The following SGK1 variants were observed in gnomAD, a reference collection of about 807,000 sequenced individuals.
SGK1 encodes serum/glucocorticoid regulated kinase 1.
In SGK1, 26 loss-of-function variants were observed where a neutral mutation model predicts 64.2. That is an observed-to-expected ratio of 0.40 (90% CI 0.30 to 0.56). SGK1 has a LOEUF of 0.56. SGK1 is among the 20% of genes least tolerant of loss of function. SGK1 has a pLI of 0.38. For missense variants in SGK1, 519 were observed against 645.6 expected (o/e 0.80, Z 2.12); for synonymous variants, 265 against 239.7 (o/e 1.11, Z -0.98).
At chr6:134,283,438 C>T (rs555018340) in intron 1 of SGK1, among the ~76,000 whole-genome samples, 5 of 151,728 alleles carry the variant, frequency 3.3e-5, no homozygotes, top group Admixed American at 6.6e-5. Flanking sequence ...TTGCAGTGAG[C>T]GAAGATCACG....
intron 1 of SGK1, chr6:134,283,207 C>G (rs1258188552): frequency 6.6e-6 from 1 of 151,784 alleles, no homozygotes; most frequent in Non-Finnish European, 1.5e-5. Flanking sequence ...TACATATATA[C>G]AGGCTGGGTG....
chr6:134,170,945 G>A, intron 12 of SGK1, 30 bp from the exon 13 acceptor site: 2 of 1,606,700 alleles, frequency 1.2e-6, no homozygotes, highest in Non-Finnish European at 1.7e-6. Flanking sequence ...GATTAATTTA[G>A]ACAGGTGCAT....
chr6:134,281,218 T>C (rs1184127063), intron 1 of SGK1, among the ~76,000 whole-genome samples: 1 of 152,182 alleles, frequency 6.6e-6, no homozygotes, highest in East Asian at 1.9e-4. Flanking sequence ...TAGTTTTTGG[T>C]CATTTTAGTG....
Position 134,224,903 on chromosome 6 carries a change from C to T in SGK1, c.286-17472G>A, listed in dbSNP as rs116721710. 8.5e-3 allele frequency among the ~76,000 whole-genome samples: 1,278 copies of T among 150,222 alleles called. 19 individuals carry two copies. Among genetic ancestry groups the T allele is most frequent in the African/African-American group, 0.028 (1,142 of 40,746 alleles). ...AGGCGTGGTAGCACATGCCTGTAAT[C>T]GCAGCCACTTGGGGACTGAGGCAGG... On this transcript the variant is annotated intron_variant, in intron 2 of 13. Coordinates refer to ENST00000367858, the MANE Select transcript of SGK1 (RefSeq NM_001143676.3).
intron 3 of SGK1, among the ~76,000 whole-genome samples, chr6:134,204,172 A>G (rs2114679740): frequency 6.6e-6 from 1 of 151,980 alleles, no homozygotes; most frequent in African/African-American, 2.4e-5. Flanking sequence ...CTACCACTAG[A>G]GGTGGAGATT....
chr6:134,296,776 C>CA (rs869144600), intron 1 of SGK1, among the ~76,000 whole-genome samples: 12,359 of 66,486 alleles, frequency 0.19, 988 homozygotes, highest in East Asian at 0.49. Context: ...TATTTTGGAC[C>CA]AAAAAAAAAA....
At chr6:134,279,877 C>T (rs906731259) in intron 1 of SGK1, among the ~76,000 whole-genome samples, 3 of 152,112 alleles carry the variant, frequency 2.0e-5, no homozygotes, top group Non-Finnish European at 4.4e-5. Context: ...AAACACTTAG[C>T]TTTGCTTAGA....
chr6:134,263,848 G>A (rs1776804928), intron 1 of SGK1, among the ~76,000 whole-genome samples: 1 of 152,024 alleles, frequency 6.6e-6, no homozygotes, highest in Non-Finnish European at 1.5e-5. Flanking sequence ...GGTCACTTGA[G>A]GCCAGGATTT....
intron 10 of SGK1, 51 bp from the exon 11 acceptor site, chr6:134,171,783 T>C: frequency 8.4e-7 from 1 of 1,185,510 alleles, no homozygotes; most frequent in Non-Finnish European, 1.2e-6. Context: ...AAGCAAGCAA[T>C]CCCACGACCA....
chr6:134,226,190 A>G (rs1368319023), intron 2 of SGK1, among the ~76,000 whole-genome samples: 2 of 152,080 alleles, frequency 1.3e-5, no homozygotes, highest in African/African-American at 4.8e-5. Flanking sequence ...GGAAGGTGAT[A>G]TCAACAAAAT....
intron 3 of SGK1, among the ~76,000 whole-genome samples, chr6:134,192,516 G>A (rs1430790939): frequency 6.6e-6 from 1 of 152,078 alleles, no homozygotes; most frequent in East Asian, 1.9e-4. Context: ...GGGACCCTCT[G>A]CTCTAAAATA....
chr6:134,255,574 A>ATTTTTTTTT (rs11318242), intron 2 of SGK1, among the ~76,000 whole-genome samples: 4 of 78,852 alleles, frequency 5.1e-5, no homozygotes, highest in Non-Finnish European at 7.4e-5. Context: ...AGAGATTTTG[A>ATTTTTTTTT]TTTTTTTTTT....
rs1554222963 is a variant in SGK1 at position 134,232,451 on chromosome 6, G to GAAAGAAAGAA, written c.286-25030_286-25021dup. ...AGAAAGAAAGAAAGAAAGAAAGAAA[G>GAAAGAAAGAA]AAAGAAAGAAAGAAAGAAAGAAAGA... On this transcript the variant is annotated intron_variant, in intron 2 of 13. Coordinates refer to ENST00000367858, the MANE Select transcript of SGK1 (RefSeq NM_001143676.3). Among the ~76,000 whole-genome samples the GAAAGAAAGAA allele has an allele frequency of 4.5e-3, 168 of 37,218 alleles. 4 individuals carry two copies. Among genetic ancestry groups the GAAAGAAAGAA allele is most frequent in the Non-Finnish European group, 7.7e-3 (128 of 16,648 alleles). The allele number at this position is 37,218 out of a possible 152,430, so 24.4% of individuals were successfully genotyped here.
intron 2 of SGK1, among the ~76,000 whole-genome samples, chr6:134,210,247 T>C (rs142978121): frequency 6.6e-6 from 1 of 152,342 alleles, no homozygotes; most frequent in East Asian, 1.9e-4. Flanking sequence ...TCATACCATA[T>C]GTGACAACGT....
Position 134,169,415 on chromosome 6 carries a change from C to T in SGK1, c.*853G>A, listed in dbSNP as rs118055987. The stretch of plus-strand genomic sequence containing the variant: ...AAATAAGCCTGTAAGTTTAAATATA[C>T]TAGTGTTATAACCCAATGTACAGAC... On this transcript the variant is annotated 3_prime_UTR_variant, in exon 14 of 14. Coordinates refer to ENST00000367858, the MANE Select transcript of SGK1 (RefSeq NM_001143676.3). The T allele has an allele frequency of 3.6e-3, 542 of 152,376 alleles. 1 individual carries two copies. The highest frequency in any genetic ancestry group is 4.6e-3 in the Non-Finnish European group (316 of 67,982). 9.4% of individuals were successfully genotyped at this position (152,376 alleles called of 1,614,324 possible).
chr6:134,307,713 C>T (rs1188700074), intron 1 of SGK1, among the ~76,000 whole-genome samples: 1 of 151,900 alleles, frequency 6.6e-6, no homozygotes, highest in Non-Finnish European at 1.5e-5. Flanking sequence ...CTTTTTTTCC[C>T]AAATATTTGA....
chr6:134,219,701 G>A (rs556090124), intron 2 of SGK1, among the ~76,000 whole-genome samples: 6 of 148,498 alleles, frequency 4.0e-5, no homozygotes, highest in South Asian at 4.3e-4. Context: ...CAGAGGTTGC[G>A]GTGAGCTGAA....
intron 2 of SGK1, among the ~76,000 whole-genome samples, chr6:134,219,682 T>A: frequency 7.5e-6 from 1 of 133,866 alleles, no homozygotes; most frequent in African/African-American, 2.8e-5. Flanking sequence ...ATCGCTTGAA[T>A]GAGGGAGGCA....
chr6:134,174,953 C>T (rs1775175363), intron 3 of SGK1: 30 of 1,396,446 alleles, frequency 2.1e-5, no homozygotes, highest in Non-Finnish European at 2.5e-5. Flanking sequence ...CGCCCTTCGC[C>T]TCGCCCCTCG....
Sources: gnomAD v4.1 joint callset for allele counts (sites outside exome capture counted in the v4.1 genomes callset) on GRCh38, gnomAD v4.1.1 for gene constraint, MANE v1.5 for transcripts, NCBI Gene and HGNC (gene_info 2026-07-23, HGNC 2026-07-21) for gene names.